PLEKHG4B: variants seen among roughly 807,000 people sequenced by gnomAD.
PLEKHG4B encodes pleckstrin homology domain-containing family G member 4B.
Under a neutral mutation model 121.3 loss-of-function variants are expected in PLEKHG4B, and 111 were observed. The observed-to-expected ratio is 0.92, with a 90% CI of 0.78 to 1.07. The LOEUF is 1.07. PLEKHG4B is among the 50% of genes least tolerant of loss of function. PLEKHG4B has a pLI of 0.00. For synonymous variants in PLEKHG4B, 738 were observed against 725.0 expected (o/e 1.02, Z -0.29); for missense variants, 1,831 against 1,757.8 (o/e 1.04, Z -0.74).
rs187199187 is a variant in PLEKHG4B, at chr5:98,713, T to G, written c.45+6437T>G. ...GGTCTTGATCTCCTGACCCTCATGA[T>G]CCACCCGCCTCAGCCTCCCAAAGTG... On this transcript the variant is annotated intron_variant, in intron 1 of 19. Coordinates refer to ENST00000637938, the MANE Select transcript of PLEKHG4B (RefSeq NM_052909.5). Among the ~76,000 whole-genome samples, 389 of 147,000 alleles carry G rather than the reference T, an allele frequency of 2.6e-3. 1 individual carries two copies. The highest frequency in any genetic ancestry group is 8.8e-3 in the African/African-American group (350 of 39,852).
intron 1 of PLEKHG4B, among the ~76,000 whole-genome samples, chr5:98,667 T>G (rs1733701702): frequency 7.1e-6 from 1 of 140,172 alleles, no homozygotes; most frequent in African/African-American, 2.7e-5. Context: ...AGAGAAGGGG[T>G]TTCACCGTGT....
At position 163,471 on chromosome 5, in the gene PLEKHG4B, G is replaced by C. The variant is rs114604004; in HGVS notation, c.3399G>C (p.Pro1133=). 2 of 1,612,782 alleles carry C rather than the reference G, an allele frequency of 1.2e-6. No homozygotes were observed. The highest frequency in any genetic ancestry group is 8.5e-7 in the Non-Finnish European group (1 of 1,179,986). ...LPLWQHARSP[P]VTQSRSLSSP... ...TGTGGCAGCATGCCAGGAGCCCCCCGGTCACTCAGAGCCGGAGTCTGTCCT... is the reference window on the plus strand; with the variant it reads ...TGTGGCAGCATGCCAGGAGCCCCCCCGTCACTCAGAGCCGGAGTCTGTCCT... Residue 1133 remains proline, a synonymous_variant, in exon 13 of 20, where the codon CCG becomes CCC. Transcript: ENST00000637938.
chr5:135,692 T>A (rs1442593791), intron 2 of PLEKHG4B, among the ~76,000 whole-genome samples: 1,188 of 48,672 alleles, frequency 0.024, 48 homozygotes, highest in African/African-American at 0.087. Flanking sequence ...AATATATATA[T>A]ATATATATAT....
intron 2 of PLEKHG4B, among the ~76,000 whole-genome samples, chr5:129,619 G>A (rs1361725034): frequency 6.6e-6 from 1 of 152,154 alleles, no homozygotes; most frequent in East Asian, 1.9e-4. Context: ...CTCAGAGTAA[G>A]CCTCTTTAAA....
At chr5:162,216 G>C (rs1342880454) in intron 12 of PLEKHG4B, among the ~76,000 whole-genome samples, 2 of 151,716 alleles carry the variant, frequency 1.3e-5, no homozygotes, top group African/African-American at 4.8e-5. Context: ...AAATTCCACT[G>C]ATTGCCCAAA....
Position 140,647 on chromosome 5 carries a change from C to A in PLEKHG4B, c.1408C>A (p.Leu470Ile). The change falls in exon 3 of 20, where the codon CTA becomes ATA. Residue 470 changes from leucine (L) to isoleucine (I), a missense_variant. Physicochemically the swap from Leu to Ile is conservative, Grantham distance 5. Coordinates refer to ENST00000637938, the MANE Select transcript of PLEKHG4B (RefSeq NM_052909.5). ...HSAGSRPGGHLGGQAVGTPNC... is the reference protein window; with the variant it reads ...HSAGSRPGGHIGGQAVGTPNC... ...AGCAGGCTCCAGGCCTGGGGGCCAC[C>A]TAGGAGGACAAGCTGTGGGGACCCC... 1 of 1,608,416 alleles carries A rather than the reference C, an allele frequency of 6.2e-7. No homozygotes were observed. Among genetic ancestry groups the A allele is most frequent in the South Asian group, 1.1e-5 (1 of 90,808 alleles).
intron 1 of PLEKHG4B, among the ~76,000 whole-genome samples, chr5:111,704 G>A (rs989594594): frequency 5.3e-5 from 8 of 152,266 alleles, no homozygotes; most frequent in Middle Eastern, 3.4e-3. Flanking sequence ...GGCCTCTTCC[G>A]GAGATGGCCC....
Position 162,978 on chromosome 5 carries a change from C to T in PLEKHG4B, c.2906C>T (p.Pro969Leu). Residue 969 changes from proline (P) to leucine (L), a missense_variant, in exon 13 of 20, where the codon CCC becomes CTC. Transcript: ENST00000637938. ...GCTGCCCCAGACCCCAGCTTACCGC[C>T]CCTTGCCCAGAGCCCCCCAAAGCAT... ...SEAAPDPSLP[P>L]LAQSPPKHER... is the part of the protein sequence containing the mutation. The T allele has an allele frequency of 8.9e-6, 14 of 1,567,534 alleles. No individual in the cohort carries two copies. Among genetic ancestry groups the T allele is most frequent in the Non-Finnish European group, 1.2e-5 (14 of 1,156,312 alleles).
chr5:134,872 A>T lies in PLEKHG4B; in HGVS notation c.244-4611A>T, dbSNP rs1484428630. Among the ~76,000 whole-genome samples, 5 of 152,088 alleles carry T rather than the reference A, an allele frequency of 3.3e-5. No individual in the cohort carries two copies. The East Asian group carries it at 9.7e-4, about 29-fold the overall frequency. Reference sequence around the variant, plus strand: ...AAATCAGTTGTGTTTCTATACACTAACAATGAGCAACCCAAAGATTAAGAT... The same window carrying T: ...AAATCAGTTGTGTTTCTATACACTATCAATGAGCAACCCAAAGATTAAGAT... On this transcript the variant is annotated intron_variant, in intron 2 of 19. Coordinates refer to ENST00000637938, the MANE Select transcript of PLEKHG4B (RefSeq NM_052909.5).
chr5:118,396 C>G (rs1039746396), intron 2 of PLEKHG4B, among the ~76,000 whole-genome samples: 1 of 152,126 alleles, frequency 6.6e-6, no homozygotes, highest in Non-Finnish European at 1.5e-5. Flanking sequence ...AGTGCTGAGC[C>G]CAGCAACTTT....
chr5:175,096 G>A (rs527646677), intron 18 of PLEKHG4B, among the ~76,000 whole-genome samples: 10 of 152,190 alleles, frequency 6.6e-5, no homozygotes, highest in Admixed American at 3.3e-4. Flanking sequence ...AAGGCACTGC[G>A]GCAACCCGAG....
chr5:151,889 A>C (rs1735616205), intron 7 of PLEKHG4B, among the ~76,000 whole-genome samples: 1 of 152,150 alleles, frequency 6.6e-6, no homozygotes, highest in Non-Finnish European at 1.5e-5. Context: ...TCATTCTGAA[A>C]GGGTATTTTT....
chr5:140,797 C>G, intron 3 of PLEKHG4B, 81 bp downstream of exon 3: 1 of 1,225,562 alleles, frequency 8.2e-7, no homozygotes, highest in South Asian at 1.6e-5. Context: ...CACACCCCAC[C>G]CCCTTCCCTA....
chr5:146,813 G>A lies in PLEKHG4B; in HGVS notation c.1905+1893G>A, dbSNP rs184577674. On this transcript the variant is annotated intron_variant, in intron 6 of 19. Coordinates refer to ENST00000637938, the MANE Select transcript of PLEKHG4B (RefSeq NM_052909.5). ...TCCCCCACACTTTCCCCCTTGCATC[G>A]AGCCTGCCTCCCCTTGCCTTAGAGT... is the stretch of plus-strand genomic sequence containing the variant. Among the ~76,000 whole-genome samples, 390 of 142,388 alleles carry A rather than the reference G, an allele frequency of 2.7e-3. 2 individuals are homozygous for A. The highest frequency in any genetic ancestry group is 9.9e-3 in the African/African-American group (373 of 37,580). 93.4% of individuals were successfully genotyped at this position (142,388 alleles called of 152,430 possible).
chr5:119,558 A>G (rs997679893), intron 2 of PLEKHG4B, among the ~76,000 whole-genome samples: 1 of 152,192 alleles, frequency 6.6e-6, no homozygotes, highest in African/African-American at 2.4e-5. Flanking sequence ...CACCAAAACA[A>G]TAAGAAACCC....
chr5:140,426 G>C lies in PLEKHG4B; in HGVS notation c.1187G>C (p.Gly396Ala). The C allele has an allele frequency of 6.4e-7, 1 of 1,562,658 alleles. No homozygotes were observed. The highest frequency in any genetic ancestry group is 8.7e-7 in the Non-Finnish European group (1 of 1,154,414). ...CTGGGGACTGGGGCAGTAGCCAGTG[G>C]GACCCAGGAGGAAACCTCTGGCCCC... ...RDLGTGAVASGTQEETSGPRG... is the reference protein window; with the variant it reads ...RDLGTGAVASATQEETSGPRG... Residue 396 changes from glycine (G) to alanine (A), a missense_variant, in exon 3 of 20, where the codon GGG (glycine) becomes GCG (alanine). Gly to Ala is a moderately conservative substitution (Grantham distance 60). Coordinates refer to ENST00000637938, the MANE Select transcript of PLEKHG4B (RefSeq NM_052909.5).
chr5:119,583 AC>A (rs1360105416), intron 2 of PLEKHG4B, among the ~76,000 whole-genome samples: 1 of 152,228 alleles, frequency 6.6e-6, no homozygotes, highest in Non-Finnish European at 1.5e-5. Context: ...AGGAGCCTAC[AC>A]AATTGCATCG....
At chr5:162,670 C>G (rs1579308075) in intron 12 of PLEKHG4B, 52 bp from the exon 13 acceptor site, 4 of 1,279,584 alleles carry the variant, frequency 3.1e-6, no homozygotes, top group East Asian at 2.9e-5. Context: ...TGAGCTGGCT[C>G]CAGGGCAGCC....
At chr5:135,676 AAAAAAAATATATATATATAT>A (rs1296410431) in intron 2 of PLEKHG4B, among the ~76,000 whole-genome samples, 7 of 64,114 alleles carry the variant, frequency 1.1e-4, no homozygotes, top group Admixed American at 3.6e-4. Flanking sequence ...AAAAAAAAAA[AAAAAAAATATATATATATAT>A]ATATATATAT....
Sources: gnomAD v4.1 joint callset for allele counts (sites outside exome capture counted in the v4.1 genomes callset) on GRCh38, gnomAD v4.1.1 for gene constraint, MANE v1.5 for transcripts, NCBI Gene and HGNC (gene_info 2026-07-23, HGNC 2026-07-21) for gene names.